The following ITPR2 variants were observed in gnomAD, a reference collection of about 807,000 sequenced individuals.
ITPR2 encodes inositol 1,4,5-trisphosphate receptor type 2.
In ITPR2, 207 loss-of-function variants were observed where a neutral mutation model predicts 317.1. The observed-to-expected ratio is 0.65, with a 90% CI of 0.58 to 0.73. The LOEUF (loss-of-function observed/expected upper bound fraction) is 0.73, where lower values mean the gene tolerates loss of function less well. Ranked by LOEUF, ITPR2 falls within the 30% of genes least tolerant of loss-of-function variation. The probability of loss-of-function intolerance (pLI) is 0.00; values close to 1 mark genes in which losing one functional copy is unlikely to be tolerated. For missense variants in ITPR2, 2,613 were observed against 3,284.0 expected (o/e 0.80, Z 4.99); for synonymous variants, 1,156 against 1,149.1 (o/e 1.01, Z -0.12).
At chr12:26,494,114 C>T in intron 39 of ITPR2, 39 bp downstream of exon 39, 1 of 1,456,114 alleles carries the variant, frequency 6.9e-7, no homozygotes, top group Non-Finnish European at 9.4e-7. Context: ...CAAGAAATAC[C>T]AATAATAAAT....
At chr12:26,749,820 A>C (rs1949385593) in intron 2 of ITPR2, among the ~76,000 whole-genome samples, 1 of 152,218 alleles carries the variant, frequency 6.6e-6, no homozygotes, top group Non-Finnish European at 1.5e-5. Flanking sequence ...AGTGAAGAAA[A>C]TGTGCATTAT....
rs762251494 is a variant in ITPR2, at chr12:26,599,267, G to A, written c.3880C>T (p.Gln1294Ter). ...LCNEISERVV[Q>*]HFVHCIETHG... ...GTCTCAATGCAGTGCACAAAGTGTT[G>A]TACAACTCTCTCGCTAATTTCGTTG... The change falls in exon 30 of 57, where the codon CAA (glutamine) becomes TAA (stop). Residue 1294 changes from glutamine (Q) to a stop codon, truncating the protein, a stop_gained. Coordinates refer to ENST00000381340, the MANE Select transcript of ITPR2 (RefSeq NM_002223.4). LOFTEE classifies it high-confidence loss of function. 1 of 1,614,056 alleles carries A rather than the reference G, an allele frequency of 6.2e-7. No individual in the cohort carries two copies. Among genetic ancestry groups the A allele is most frequent in the Non-Finnish European group, 8.5e-7 (1 of 1,179,932 alleles).
chr12:26,756,627 A>ACC, intron 2 of ITPR2, among the ~76,000 whole-genome samples: 3 of 152,150 alleles, frequency 2.0e-5, no homozygotes, highest in Non-Finnish European at 4.4e-5. Flanking sequence ...CCCTCACCAT[A>ACC]CTGATGCTTT....
rs1385731545 is a variant in ITPR2 at position 26,790,196 on chromosome 12, C to T, written c.124G>A (p.Glu42Lys). The change falls in exon 2 of 57, where the codon GAG becomes AAG. Residue 42 changes from glutamate (E) to lysine (K), a missense_variant. Physicochemically the swap from Glu to Lys is moderately conservative, Grantham distance 56 (BLOSUM62 1). Around this residue, in one of 9 missense-constraint regions of ITPR2, gnomAD observed 515 missense variants for 789.4 expected, o/e 0.65. Coordinates refer to ENST00000381340, the MANE Select transcript of ITPR2 (RefSeq NM_002223.4). ...LVDDRCVVHP[E>K]AGDLANPPKK... is the part of the protein sequence containing the mutation. ...GGAGGGTTGGCAAGGTCCCCGGCCT[C>T]TGGGTGCACCACACATCTGTCATCC... is the stretch of plus-strand genomic sequence containing the variant. 6.2e-7 allele frequency: 1 copy of T among 1,613,872 alleles called. No homozygotes were observed. Among genetic ancestry groups the T allele is most frequent in the Admixed American group, 1.7e-5 (1 of 60,020 alleles).
intron 1 of ITPR2, among the ~76,000 whole-genome samples, chr12:26,810,839 A>C (rs541395118): frequency 6.6e-6 from 1 of 151,924 alleles, no homozygotes. Flanking sequence ...TCATTTATTT[A>C]TTTATTTTTA....
intron 21 of ITPR2, among the ~76,000 whole-genome samples, chr12:26,640,631 A>G (rs1946963632): frequency 6.6e-6 from 1 of 152,160 alleles, no homozygotes; most frequent in African/African-American, 2.4e-5. Context: ...CTGTTATTGA[A>G]TCATCTATGT....
intron 55 of ITPR2, among the ~76,000 whole-genome samples, chr12:26,344,368 G>A (rs1938237047): frequency 1.3e-5 from 2 of 152,120 alleles, no homozygotes; most frequent in South Asian, 4.1e-4. Context: ...ATCACAGACT[G>A]GGCTTGGGGT....
chr12:26,375,010 C>A (rs1939294865), intron 55 of ITPR2, among the ~76,000 whole-genome samples: 1 of 152,330 alleles, frequency 6.6e-6, no homozygotes, highest in East Asian at 1.9e-4. Context: ...ATGGCATGGG[C>A]TATGCTAGCC....
chr12:26,435,923 T>C (rs1941339610), intron 48 of ITPR2, among the ~76,000 whole-genome samples: 1 of 152,186 alleles, frequency 6.6e-6, no homozygotes, highest in Non-Finnish European at 1.5e-5. Context: ...TTGCATAATT[T>C]AGATGATACA....
Position 26,587,394 on chromosome 12 carries a change from T to G in ITPR2, c.4381-7239A>C, listed in dbSNP as rs77531323. On this transcript the variant is annotated intron_variant, in intron 32 of 56. Transcript: ENST00000381340. The stretch of plus-strand genomic sequence containing the variant: ...AGCCTGTTATTTTATATAGGGTGGT[T>G]GGCAAAGCCCTCTCTGAAGGAGTGA... Among the ~76,000 whole-genome samples, 8 of 152,146 alleles carry G rather than the reference T, an allele frequency of 5.3e-5. No homozygotes were observed. The East Asian group carries it at 1.5e-3, about 29-fold the overall frequency.
chr12:26,437,994 G>C (rs1011346217), intron 47 of ITPR2, among the ~76,000 whole-genome samples: 2 of 152,040 alleles, frequency 1.3e-5, no homozygotes, highest in Admixed American at 6.6e-5. Flanking sequence ...GTAGAGACAG[G>C]GTTTCACTGC....
At chr12:26,686,109 T>C (rs182595736) in intron 11 of ITPR2, among the ~76,000 whole-genome samples, 4 of 152,300 alleles carry the variant, frequency 2.6e-5, no homozygotes, top group South Asian at 2.1e-4. Context: ...TCTTGACTGA[T>C]TGACTACATA....
chr12:26,456,724 G>A (rs1591800873), intron 45 of ITPR2, among the ~76,000 whole-genome samples: 1 of 152,166 alleles, frequency 6.6e-6, no homozygotes, highest in African/African-American at 2.4e-5. Flanking sequence ...CCAGGCTGGA[G>A]TGCAATGGCA....
At chr12:26,727,250 A>G (rs1031890261) in intron 2 of ITPR2, among the ~76,000 whole-genome samples, 1 of 152,190 alleles carries the variant, frequency 6.6e-6, no homozygotes, top group African/African-American at 2.4e-5. Flanking sequence ...TTGTTTACAG[A>G]TATTTCCATA....
At chr12:26,415,148 T>C (rs1367532139) in intron 51 of ITPR2, among the ~76,000 whole-genome samples, 155 bp downstream of exon 51, 1 of 152,096 alleles carries the variant, frequency 6.6e-6, no homozygotes, top group Non-Finnish European at 1.5e-5. Flanking sequence ...TAAGAGTACT[T>C]CACATTCCTG....
At chr12:26,562,426 G>T (rs866534150) in intron 34 of ITPR2, among the ~76,000 whole-genome samples, 2 of 152,210 alleles carry the variant, frequency 1.3e-5, no homozygotes, top group South Asian at 4.1e-4. Context: ...TTGGAAGAGG[G>T]CACTCTTCCC....
intron 11 of ITPR2, among the ~76,000 whole-genome samples, chr12:26,685,246 A>T (rs900562455): frequency 4.6e-5 from 7 of 152,196 alleles, no homozygotes; most frequent in African/African-American, 7.2e-5. Context: ...TAGAGAGTGC[A>T]TCATAGCCTT....
rs551989758 is a variant in ITPR2 at position 26,583,962 on chromosome 12, G to A, written c.4381-3807C>T. On this transcript the variant is annotated intron_variant, in intron 32 of 56. Transcript: ENST00000381340. Reference sequence around the variant, plus strand: ...GAATTTTACTATATATTTGTCAGACGTAATAAGGACACAAATTATTAAATT... The same window carrying A: ...GAATTTTACTATATATTTGTCAGACATAATAAGGACACAAATTATTAAATT... Among the ~76,000 whole-genome samples the A allele has an allele frequency of 4.3e-4, 65 of 152,078 alleles. No homozygotes were observed. The South Asian group carries it at 0.013, about 31-fold the overall frequency.
intron 13 of ITPR2, among the ~76,000 whole-genome samples, chr12:26,672,882 C>T (rs200155149): frequency 7.9e-5 from 12 of 152,004 alleles, no homozygotes; most frequent in Non-Finnish European, 1.6e-4. Flanking sequence ...CCACCGATCC[C>T]ACAGAAATAC....
Sources: allele counts gnomAD v4.1 joint callset (sites outside exome capture counted in the v4.1 genomes callset), GRCh38; gene constraint gnomAD v4.1.1; regional missense constraint gnomAD v4.1.1; transcripts MANE v1.5; gene names NCBI Gene and HGNC (gene_info 2026-07-23, HGNC 2026-07-21).